The following PTPN11 variants were observed in gnomAD, a reference collection of about 807,000 sequenced individuals.
PTPN11 encodes tyrosine-protein phosphatase non-receptor type 11.
A neutral mutation model predicts 78.8 loss-of-function variants in PTPN11; 6 were observed. The observed-to-expected ratio is 0.08, with a 90% CI of 0.04 to 0.15. The LOEUF (loss-of-function observed/expected upper bound fraction) is 0.15. Ranked by LOEUF, PTPN11 falls within the 10% of genes least tolerant of loss-of-function variation. The probability of loss-of-function intolerance (pLI) is 1.00; values close to 1 mark genes in which losing one functional copy is unlikely to be tolerated. For synonymous variants in PTPN11, 221 were observed against 263.5 expected, an observed-to-expected ratio of 0.84 and a Z score of 1.56; for missense variants, 386 against 744.8, an observed-to-expected ratio of 0.52 and a Z score of 5.61.
chr12:112,455,609 T>C (rs558643386), intron 5 of PTPN11, among the ~76,000 whole-genome samples: 1 of 152,308 alleles, frequency 6.6e-6, no homozygotes, highest in Admixed American at 6.5e-5. Context: ...ACCTCACTTA[T>C]TCACTTTGGC....
chr12:112,455,522 A>G (rs1334549038), intron 5 of PTPN11, among the ~76,000 whole-genome samples: 2 of 152,184 alleles, frequency 1.3e-5, no homozygotes, highest in Non-Finnish European at 2.9e-5. Flanking sequence ...GGCATGAGCC[A>G]CTGCATCTGG....
At chr12:112,445,482 A>G (rs1338202325) in intron 1 of PTPN11, among the ~76,000 whole-genome samples, 1 of 152,108 alleles carries the variant, frequency 6.6e-6, no homozygotes, top group Non-Finnish European at 1.5e-5. Context: ...TTACATGTAT[A>G]TATTAAAAAT....
At chr12:112,429,991 C>A (rs1001390353) in intron 1 of PTPN11, among the ~76,000 whole-genome samples, 2 of 152,154 alleles carry the variant, frequency 1.3e-5, no homozygotes, top group Non-Finnish European at 2.9e-5. Context: ...TTTTAACCAG[C>A]TGTAATGTAT....
At chr12:112,493,305 C>T (rs1300110110) in intron 13 of PTPN11, among the ~76,000 whole-genome samples, 3 of 152,016 alleles carry the variant, frequency 2.0e-5, no homozygotes, top group Non-Finnish European at 4.4e-5. Flanking sequence ...ATGATCCTCC[C>T]GTCTCAGCTT....
At chr12:112,479,026 G>T (rs958254359) in intron 9 of PTPN11, among the ~76,000 whole-genome samples, 2 of 152,180 alleles carry the variant, frequency 1.3e-5, no homozygotes, top group Non-Finnish European at 2.9e-5. Context: ...GAGCCACCAT[G>T]CCTGGCCATG....
chr12:112,440,950 T>TTTTTC (rs1240670537), intron 1 of PTPN11, among the ~76,000 whole-genome samples: 4 of 150,766 alleles, frequency 2.7e-5, no homozygotes, highest in African/African-American at 7.4e-5. Context: ...AGCTTTACGA[T>TTTTTC]TTTTCTTTTC....
chr12:112,500,512 A>G (rs1355184777), intron 13 of PTPN11, among the ~76,000 whole-genome samples: 1 of 152,206 alleles, frequency 6.6e-6, no homozygotes, highest in Non-Finnish European at 1.5e-5. Context: ...CCTACACTAT[A>G]AGTTCTTACT....
intron 6 of PTPN11, among the ~76,000 whole-genome samples, chr12:112,461,473 A>AT (rs1396551850): frequency 1.3e-5 from 2 of 151,648 alleles, no homozygotes; most frequent in Non-Finnish European, 2.9e-5. Flanking sequence ...CCACAGGTGC[A>AT]TGCCACCATG....
chr12:112,490,893 T>G (rs2038737688), intron 13 of PTPN11, among the ~76,000 whole-genome samples: 1 of 152,226 alleles, frequency 6.6e-6, no homozygotes, highest in Admixed American at 6.5e-5. Context: ...AGTACTTAAT[T>G]TAGTAGAAAG....
intron 2 of PTPN11, among the ~76,000 whole-genome samples, chr12:112,448,830 C>G (rs950665639): frequency 1.3e-5 from 2 of 152,092 alleles, no homozygotes; most frequent in Admixed American, 1.3e-4. Flanking sequence ...AACACTACCT[C>G]GTATTGGAAA....
chr12:112,451,266 G>A (rs1298972154), intron 3 of PTPN11, among the ~76,000 whole-genome samples: 1 of 152,038 alleles, frequency 6.6e-6, no homozygotes, highest in Non-Finnish European at 1.5e-5. Flanking sequence ...AGCTACCACC[G>A]TAGCTTCAGG....
At chr12:112,455,837 C>G in intron 5 of PTPN11, 113 bp from the exon 6 acceptor site, 1 of 710,124 alleles carries the variant, frequency 1.4e-6, no homozygotes, top group Non-Finnish European at 2.5e-6. Flanking sequence ...TATGAACCCT[C>G]TGTCCGTGCC....
chr12:112,473,118 G>T, intron 7 of PTPN11, 78 bp downstream of exon 7: 2 of 1,222,130 alleles, frequency 1.6e-6, no homozygotes, highest in Non-Finnish European at 2.4e-6. Flanking sequence ...TTTCCTCAGG[G>T]TCGTGTGCTC....
At chr12:112,443,288 CTAAGTCTTGT>C (rs2037936906) in intron 1 of PTPN11, among the ~76,000 whole-genome samples, 1 of 150,894 alleles carries the variant, frequency 6.6e-6, no homozygotes, top group African/African-American at 2.4e-5. Flanking sequence ...GTGTTACTTG[CTAAGTCTTGT>C]TACTGGCCTT....
At chr12:112,467,666 T>C (rs1348158975) in intron 6 of PTPN11, among the ~76,000 whole-genome samples, 2 of 152,128 alleles carry the variant, frequency 1.3e-5, no homozygotes, top group African/African-American at 4.8e-5. Flanking sequence ...AGCTGATTTT[T>C]GTATTTTTAG....
chr12:112,428,423 A>G (rs919963443), intron 1 of PTPN11, among the ~76,000 whole-genome samples: 2 of 116,206 alleles, frequency 1.7e-5, no homozygotes, highest in Admixed American at 2.2e-4. Context: ...TTTTTGCCTC[A>G]CTTACTAATA....
intron 1 of PTPN11, among the ~76,000 whole-genome samples, chr12:112,435,876 C>A (rs1192601105): frequency 1.3e-5 from 2 of 151,832 alleles, no homozygotes; most frequent in African/African-American, 4.8e-5. Context: ...AATGGCTGAG[C>A]CAGATGGAAT....
At chr12:112,450,204 T>C (rs2038059574) in intron 2 of PTPN11, 114 bp from the exon 3 acceptor site, 1 of 949,702 alleles carries the variant, frequency 1.1e-6, no homozygotes, top group African/African-American at 1.6e-5. Context: ...GTAAATTCGT[T>C]CCTTGGGTTT....
intron 6 of PTPN11, among the ~76,000 whole-genome samples, chr12:112,462,740 T>C (rs1401698106): frequency 2.0e-5 from 3 of 152,216 alleles, no homozygotes; most frequent in Non-Finnish European, 4.4e-5. Context: ...TGGATATCCA[T>C]AATAGTGTCT....
Sources: allele counts gnomAD v4.1 joint callset (sites outside exome capture counted in the v4.1 genomes callset), GRCh38; gene constraint gnomAD v4.1.1; transcripts MANE v1.5; gene names NCBI Gene and HGNC (gene_info 2026-07-23, HGNC 2026-07-21).